The following MYT1L variants were observed in gnomAD, a reference collection of about 807,000 sequenced individuals.
MYT1L encodes the protein myelin transcription factor 1 like.
Under a neutral mutation model 126.7 loss-of-function variants are expected in MYT1L, and 12 were observed. The ratio of observed to expected loss-of-function variants is 0.09; its 90% CI spans 0.06 to 0.15. The LOEUF is 0.15. Ranked by LOEUF, MYT1L falls within the 10% of genes least tolerant of loss-of-function variation. The pLI is 1.00. For missense variants in MYT1L, 979 were observed against 1,585.2 expected (o/e 0.62, Z 6.49); for synonymous variants, 541 against 604.2 (o/e 0.90, Z 1.53).
intron 3 of MYT1L, among the ~76,000 whole-genome samples, chr2:2,054,457 T>C (rs967450005): frequency 6.7e-6 from 1 of 150,140 alleles, no homozygotes; most frequent in Non-Finnish European, 1.5e-5. Flanking sequence ...GGTGAGATCA[T>C]AGAGACGCAT....
At chr2:2,315,207 T>A (rs1235013203) in intron 1 of MYT1L, among the ~76,000 whole-genome samples, 1 of 152,114 alleles carries the variant, frequency 6.6e-6, no homozygotes, top group Non-Finnish European at 1.5e-5. Context: ...ATGTCTTGGG[T>A]CCTCAGCTGG....
intron 22 of MYT1L, among the ~76,000 whole-genome samples, chr2:1,808,546 A>G (rs2036083348): frequency 6.6e-6 from 1 of 152,180 alleles, no homozygotes; most frequent in South Asian, 2.1e-4. Context: ...CTGCTCCTCC[A>G]GAGGCCCCCA....
chr2:2,143,299 A>G (rs1056410640), intron 3 of MYT1L, among the ~76,000 whole-genome samples: 11 of 152,014 alleles, frequency 7.2e-5, no homozygotes, highest in African/African-American at 2.4e-4. Flanking sequence ...CAAAAAAAAA[A>G]AAAAAAAAAA....
intron 2 of MYT1L, among the ~76,000 whole-genome samples, chr2:2,244,593 C>T (rs1327054349): frequency 6.6e-6 from 1 of 152,176 alleles, no homozygotes; most frequent in Non-Finnish European, 1.5e-5. Context: ...GAGAAGCTTG[C>T]ACCAGCTCAG....
intron 3 of MYT1L, among the ~76,000 whole-genome samples, chr2:2,072,576 G>A (rs1466756110): frequency 6.6e-6 from 1 of 152,166 alleles, no homozygotes; most frequent in Non-Finnish European, 1.5e-5. Context: ...ATTTCTCACA[G>A]TTCTGGAGGC....
At chr2:1,840,865 G>T in intron 19 of MYT1L, 22 bp from the exon 20 acceptor site, 2 of 1,461,336 alleles carry the variant, frequency 1.4e-6, no homozygotes, top group Non-Finnish European at 9.3e-7. Context: ...ACACATTTCA[G>T]AAAGCACCCC....
intron 8 of MYT1L, among the ~76,000 whole-genome samples, chr2:1,946,823 CA>C (rs1330437356): frequency 3.9e-5 from 6 of 152,112 alleles, no homozygotes; most frequent in African/African-American, 1.2e-4. Flanking sequence ...GCTGAATCAC[CA>C]CCGGACAACC....
chr2:2,260,833 T>A (rs1282341299), intron 2 of MYT1L, among the ~76,000 whole-genome samples: 1 of 152,210 alleles, frequency 6.6e-6, no homozygotes, highest in Non-Finnish European at 1.5e-5. Context: ...AGCTGGCTGC[T>A]CATCGGTGAC....
chr2:2,139,188 C>T (rs985469951), intron 3 of MYT1L, among the ~76,000 whole-genome samples: 4 of 152,140 alleles, frequency 2.6e-5, no homozygotes, highest in East Asian at 3.9e-4. Context: ...CTCCCATACA[C>T]GTCCCCTGAC....
At chr2:1,951,672 C>T (rs2057763530) in intron 8 of MYT1L, among the ~76,000 whole-genome samples, 1 of 152,214 alleles carries the variant, frequency 6.6e-6, no homozygotes, top group South Asian at 2.1e-4. Flanking sequence ...TCAGTCTATC[C>T]ATCTGTGAGA....
chr2:2,103,825 T>A (rs1307487497), intron 3 of MYT1L, among the ~76,000 whole-genome samples: 1 of 152,170 alleles, frequency 6.6e-6, no homozygotes, highest in Non-Finnish European at 1.5e-5. Context: ...CAGATTTGGG[T>A]GACATACATG....
rs397941762 is a variant in MYT1L at position 2,316,977 on chromosome 2, A to ATT, written c.-521+13988_-521+13989dup. 3.1e-3 allele frequency among the ~76,000 whole-genome samples: 454 copies of ATT among 146,008 alleles called. 2 individuals carry two copies. The highest frequency in any genetic ancestry group is 6.2e-3 in the Admixed American group (90 of 14,516). ...AGGCATCCACCACCATGCCCAGCCAATTTTTTTTTTTTTGGATTTTTAATA... is the reference window on the plus strand; with the variant it reads ...AGGCATCCACCACCATGCCCAGCCAATTTTTTTTTTTTTTTGGATTTTTAATA... On this transcript the variant is annotated intron_variant, in intron 1 of 24. Transcript: ENST00000647738.
intron 2 of MYT1L, among the ~76,000 whole-genome samples, chr2:2,205,478 A>T (rs1236998268): frequency 6.6e-6 from 1 of 152,228 alleles, no homozygotes; most frequent in Non-Finnish European, 1.5e-5. Context: ...GAAACAAAAA[A>T]GGAAGACTGA....
At chr2:1,898,801 G>A (rs188779748) in intron 14 of MYT1L, among the ~76,000 whole-genome samples, 2 of 152,282 alleles carry the variant, frequency 1.3e-5, no homozygotes, top group Admixed American at 6.5e-5. Context: ...TGGGGAAGTC[G>A]GGCAGGTGGA....
intron 3 of MYT1L, among the ~76,000 whole-genome samples, chr2:2,093,272 T>C (rs1308649074): frequency 8.6e-6 from 1 of 116,776 alleles, no homozygotes; most frequent in East Asian, 2.8e-4. Flanking sequence ...TGAGCCAGTA[T>C]GCAAGACACA....
chr2:2,144,841 C>A (rs1018568236), intron 3 of MYT1L, among the ~76,000 whole-genome samples: 1 of 152,164 alleles, frequency 6.6e-6, no homozygotes. Context: ...CCGTTTACAA[C>A]GTCCACACCT....
At chr2:1,945,235 T>C (rs972235460) in intron 8 of MYT1L, among the ~76,000 whole-genome samples, 4 of 151,462 alleles carry the variant, frequency 2.6e-5, no homozygotes, top group African/African-American at 9.7e-5. Flanking sequence ...GTGATACGAG[T>C]TCTTTCAAGC....
intron 3 of MYT1L, among the ~76,000 whole-genome samples, chr2:2,162,347 A>G (rs746033775): frequency 1.3e-5 from 2 of 151,832 alleles, no homozygotes; most frequent in Admixed American, 6.6e-5. Context: ...TAGGGTCCAC[A>G]GAGAAAAGGG....
At position 1,856,538 on chromosome 2, in the gene MYT1L, C is replaced by T. The variant is rs974232535; in HGVS notation, c.2712-4835G>A. 3.9e-5 allele frequency among the ~76,000 whole-genome samples: 6 copies of T among 152,254 alleles called. No homozygotes were observed. The East Asian group carries it at 5.8e-4, about 15-fold the overall frequency. Reference sequence around the variant, plus strand: ...CCCAGGACATAAACCCATTGCTGTGCGGATTCCCTCCCATTTACAAAACCA... The same window carrying T: ...CCCAGGACATAAACCCATTGCTGTGTGGATTCCCTCCCATTTACAAAACCA... On this transcript the variant is annotated intron_variant, in intron 18 of 24. Coordinates refer to ENST00000647738, the MANE Select transcript of MYT1L (RefSeq NM_001303052.2).
Sources: allele counts gnomAD v4.1 joint callset (sites outside exome capture counted in the v4.1 genomes callset), GRCh38; gene constraint gnomAD v4.1.1; transcripts MANE v1.5; gene names NCBI Gene and HGNC (gene_info 2026-07-23, HGNC 2026-07-21).